Variants in OGDHL observed in about 807,000 individuals in gnomAD.
The protein encoded by OGDHL is 2-oxoglutarate dehydrogenase-like, mitochondrial.
A neutral mutation model predicts 109.6 loss-of-function variants in OGDHL; 79 were observed. That is an observed-to-expected ratio of 0.72 (90% CI 0.60 to 0.87). The LOEUF is 0.87. OGDHL is among the 40% of genes least tolerant of loss of function. The pLI, the probability that OGDHL is intolerant of heterozygous loss-of-function variation, is 0.00. For missense variants in OGDHL, 1,275 were observed against 1,362.2 expected, an observed-to-expected ratio of 0.94 and a Z score of 1.01; for synonymous variants, 528 against 537.2, an observed-to-expected ratio of 0.98 and a Z score of 0.24.
At chr10:49,744,536 G>A in intron 13 of OGDHL, 114 bp downstream of exon 13, 1 of 797,886 alleles carries the variant, frequency 1.3e-6, no homozygotes, top group Non-Finnish European at 2.1e-6. Flanking sequence ...GATAGAGCCT[G>A]CAGCCTCTAG....
chr10:49,746,669 T>A, intron 10 of OGDHL, 81 bp downstream of exon 10: 1 of 1,559,764 alleles, frequency 6.4e-7, no homozygotes, highest in Non-Finnish European at 8.7e-7. Context: ...GCCAGGAGCA[T>A]CTCACTTTCC....
In OGDHL at chr10:49,752,262, C is replaced by T. The variant is rs377261243; in HGVS notation, c.479-14G>A. The T allele has an allele frequency of 2.2e-5, 35 of 1,603,804 alleles. No individual in the cohort carries two copies. The highest frequency in any genetic ancestry group is 9.4e-5 in the African/African-American group (7 of 74,714). ...GGTCATAGAAGGCTGGAGAAGGAGGCGTGGCCGAGCCCCGGGCAGCAAAGT... is the reference window on the plus strand; with the variant it reads ...GGTCATAGAAGGCTGGAGAAGGAGGTGTGGCCGAGCCCCGGGCAGCAAAGT... On this transcript the variant is annotated splice_polypyrimidine_tract_variant and intron_variant, in intron 4 of 22. Transcript: ENST00000374103.
chr10:49,743,154 G>A lies in OGDHL; in HGVS notation c.1862-176C>T, dbSNP rs536892500. Among the ~76,000 whole-genome samples, 5 of 152,336 alleles carry A rather than the reference G, an allele frequency of 3.3e-5. No homozygotes were observed. In the South Asian group the frequency reaches 1.0e-3, roughly 32 times the overall value. ...GCACCCCTCCTCCAGCTGAGACAAG[G>A]GGCTACCCCGAGCCTGTGGAGGGGT... On this transcript the variant is annotated intron_variant, in intron 14 of 22. Coordinates refer to ENST00000374103, the MANE Select transcript of OGDHL (RefSeq NM_018245.3).
At chr10:49,758,239 C>T (rs1391118366) in intron 2 of OGDHL, 150 bp downstream of exon 2, 2 of 755,858 alleles carry the variant, frequency 2.6e-6, no homozygotes, top group South Asian at 1.8e-5. Context: ...GGGAAAGCAA[C>T]AGGCTTTGAT....
intron 13 of OGDHL, among the ~76,000 whole-genome samples, chr10:49,744,385 C>T (rs900529978): frequency 3.9e-5 from 6 of 151,976 alleles, no homozygotes; most frequent in African/African-American, 1.5e-4. Context: ...GCACCCTGGC[C>T]CCAAGCATCC....
chr10:49,738,709 C>T (rs189104406), intron 17 of OGDHL: 180 of 187,654 alleles, frequency 9.6e-4, no homozygotes, highest in African/African-American at 4.1e-3. Flanking sequence ...CATGACCACA[C>T]AGCCAGGCAG....
chr10:49,741,853 C>CACCACACACACTACACACACCACACAT, intron 15 of OGDHL, among the ~76,000 whole-genome samples: 1 of 148,214 alleles, frequency 6.7e-6, no homozygotes, highest in African/African-American at 2.5e-5. Flanking sequence ...ACACACCAAA[C>CACCACACACACTACACACACCACACAT]ACCACACACA....
chr10:49,749,916 C>T (rs572637312), intron 7 of OGDHL, 100 bp from the exon 8 acceptor site: 299 of 994,634 alleles, frequency 3.0e-4, no homozygotes, highest in Non-Finnish European at 3.8e-4. Flanking sequence ...ACAGCCCCTT[C>T]GTGCCCAGAG....
intron 2 of OGDHL, among the ~76,000 whole-genome samples, chr10:49,757,368 A>G (rs1269281079): frequency 6.6e-6 from 1 of 152,210 alleles, no homozygotes; most frequent in East Asian, 1.9e-4. Flanking sequence ...TTTCCATAAG[A>G]ACAATGTAAA....
rs1322038223 is a variant in OGDHL at position 49,739,813 on chromosome 10, T to C, written c.2167A>G (p.Ser723Gly). The C allele has an allele frequency of 6.2e-7, 1 of 1,613,982 alleles. No homozygotes were observed. The highest frequency in any genetic ancestry group is 8.5e-7 in the Non-Finnish European group (1 of 1,179,966). The change falls in exon 17 of 23, where the codon AGC becomes GGC. Residue 723 changes from serine to glycine, a missense_variant. Transcript: ENST00000374103. ...TCCCAGAGGACCAGGGCATTGGGGC[T>C]GGCCATGGCATAGCCCAGCTCAAAG... Reference protein sequence around the residue: ...LGFELGYAMASPNALVLWEAQ... With the variant: ...LGFELGYAMAGPNALVLWEAQ...
chr10:49,755,138 G>A (rs1842842983), intron 3 of OGDHL, among the ~76,000 whole-genome samples: 1 of 152,188 alleles, frequency 6.6e-6, no homozygotes, highest in African/African-American at 2.4e-5. Flanking sequence ...CAGCTACTCA[G>A]GAGGCTGAGC....
Position 49,744,736 on chromosome 10 carries a change from T to C in OGDHL, c.1646A>G (p.Tyr549Cys). The stretch of plus-strand genomic sequence containing the variant: ...ATAAGCCTCCTCACAGATCCGGTCG[T>C]ATTTGGCAATTTCTTCCTGGAATCA... ...LQEFEEEIAK[Y>C]DRICEEAYGR... Residue 549 changes from tyrosine (Y) to cysteine (C), a missense_variant, in exon 13 of 23, where the codon TAC (tyrosine) becomes TGC (cysteine). Tyr to Cys is a radical substitution (Grantham distance 194). Coordinates refer to ENST00000374103, the MANE Select transcript of OGDHL (RefSeq NM_018245.3). 2 of 1,614,204 alleles carry C rather than the reference T, an allele frequency of 1.2e-6. No homozygotes were observed. The highest frequency in any genetic ancestry group is 1.7e-6 in the Non-Finnish European group (2 of 1,180,024).
chr10:49,744,223 A>C, intron 13 of OGDHL, 101 bp from the exon 14 acceptor site: 2 of 1,453,162 alleles, frequency 1.4e-6, no homozygotes, highest in East Asian at 2.4e-5. Flanking sequence ...GGCTTCCCAA[A>C]CTCCACCGGC....
In OGDHL at chr10:49,747,077, C is replaced by T. The variant is rs1385143171; in HGVS notation, c.1119G>A (p.Gly373=). The T allele has an allele frequency of 6.2e-7, 1 of 1,614,180 alleles. No individual in the cohort carries two copies. The highest frequency in any genetic ancestry group is 2.2e-5 in the East Asian group (1 of 44,876). Residue 373 remains glycine (G), a synonymous_variant, in exon 9 of 23, where the codon GGG becomes GGA. Coordinates refer to ENST00000374103, the MANE Select transcript of OGDHL (RefSeq NM_018245.3). ...GGTAGAACTGCTCTGCCTTTGTCTT[C>T]CCCTGCACCACAGGGTCCACTGCCT... The part of the protein sequence containing the change: ...HLEAVDPVVQ[G]KTKAEQFYRG...
In OGDHL at chr10:49,756,909, G is replaced by A. The variant is rs749342327; in HGVS notation, c.242C>T (p.Ala81Val). ...CCGTGGCTGAGCAGAGCCAGAAAAG[G>A]CTTCCTCGCTGGCTTCCCTGAAGAA... Reference protein sequence around the residue: ...DSFFREASEEAFSGSAQPRPP... With the variant: ...DSFFREASEEVFSGSAQPRPP... The change falls in exon 3 of 23, where the codon GCC (alanine) becomes GTC (valine). Residue 81 changes from alanine to valine, a missense_variant. Physicochemically the swap from Ala to Val is moderately conservative, Grantham distance 64. Coordinates refer to ENST00000374103, the MANE Select transcript of OGDHL (RefSeq NM_018245.3). 6.2e-7 allele frequency: 1 copy of A among 1,613,758 alleles called. No homozygotes were observed. The highest frequency in any genetic ancestry group is 8.5e-7 in the Non-Finnish European group (1 of 1,179,856).
rs151152082 is a variant in OGDHL, at chr10:49,744,070, C to A, written c.1785G>T (p.Gly595=). ...TGTGGGTGAGCATGTCCTCAGGGAT[C>A]CCCGTGGCTGGGCATGTCATGCTCT... ...EPKSMTCPAT[G]IPEDMLTHIG... The change falls in exon 14 of 23, where the codon GGG becomes GGT. Residue 595 remains glycine (G), a synonymous_variant. Coordinates refer to ENST00000374103, the MANE Select transcript of OGDHL (RefSeq NM_018245.3). 721 of 1,613,988 alleles carry A rather than the reference C, an allele frequency of 4.5e-4. No individual in the cohort carries two copies. The highest frequency in any genetic ancestry group is 5.7e-4 in the Non-Finnish European group (673 of 1,179,998).
intron 8 of OGDHL, among the ~76,000 whole-genome samples, chr10:49,749,473 A>C (rs1005646177): frequency 3.9e-5 from 6 of 152,150 alleles, no homozygotes; most frequent in Non-Finnish European, 7.4e-5. Context: ...TTTGGGCTTC[A>C]GTTTCCCTAG....
rs1337660431 is a variant in OGDHL, at chr10:49,736,475, C to T, written c.2636G>A (p.Arg879Gln). ...RVIPEDGAAA[R>Q]APEQVQRLIF... ...GAGCCGCTGCACCTGCTCAGGGGCC[C>T]GTGCTGCGGCCCCATCTTCAGGAAT... is the stretch of plus-strand genomic sequence containing the variant. Residue 879 changes from arginine (R) to glutamine (Q), a missense_variant, in exon 21 of 23, where the codon CGG becomes CAG. By Grantham distance (43) the Arg-to-Gln change is conservative (BLOSUM62 1). Transcript: ENST00000374103. The T allele has an allele frequency of 5.0e-6, 8 of 1,613,708 alleles. No individual in the cohort carries two copies. The highest frequency in any genetic ancestry group is 1.7e-5 in the Admixed American group (1 of 60,008).
rs756449712 is a variant in OGDHL at position 49,740,782 on chromosome 10, T to C, written c.2068A>G (p.Met690Val). Reference sequence around the variant, plus strand: ...GCCTGGTCAGGCCAGAGATGATTCATAGGCACACACGTCCTGCGGTCAACC... The same window carrying C: ...GCCTGGTCAGGCCAGAGATGATTCACAGGCACACACGTCCTGCGGTCAACC... Reference protein sequence around the residue: ...QEVDRRTCVPMNHLWPDQAPY... With the variant: ...QEVDRRTCVPVNHLWPDQAPY... Residue 690 changes from methionine to valine, a missense_variant, in exon 16 of 23, where the codon ATG (methionine) becomes GTG (valine). Coordinates refer to ENST00000374103, the MANE Select transcript of OGDHL (RefSeq NM_018245.3). 2.0e-5 allele frequency: 32 copies of C among 1,613,758 alleles called. No individual in the cohort carries two copies. In the African/African-American group the frequency reaches 2.3e-4, roughly 11 times the overall value.
Sources: allele counts gnomAD v4.1 joint callset (sites outside exome capture counted in the v4.1 genomes callset), GRCh38; gene constraint gnomAD v4.1.1; transcripts MANE v1.5; gene names NCBI Gene and HGNC (gene_info 2026-07-23, HGNC 2026-07-21).